The following DNAH6 variants were observed in gnomAD, a reference collection of about 807,000 sequenced individuals.
The protein encoded by DNAH6 is axonemal beta dynein heavy chain 6.
A neutral mutation model predicts 491.4 loss-of-function variants in DNAH6; 340 were observed. The ratio of observed to expected loss-of-function variants is 0.69; its 90% CI spans 0.63 to 0.76. The LOEUF is 0.76. Among genes scored for constraint, DNAH6 ranks in the 30% least tolerant of loss-of-function variants. The probability of loss-of-function intolerance (pLI) is 0.00; values close to 1 mark genes in which losing one functional copy is unlikely to be tolerated. For synonymous variants in DNAH6, 1,603 were observed against 1,686.1 expected (o/e 0.95, Z 1.21); for missense variants, 4,443 against 4,972.2 (o/e 0.89, Z 3.20).
the DNAH6 span, among the ~76,000 whole-genome samples, chr2:84,478,530 G>T: frequency 4.6e-5 from 7 of 152,166 alleles, no homozygotes; most frequent in Non-Finnish European, 8.8e-5. Context: ...TTATAGGAAT[G>T]TCAAGAACTT....
chr2:84,636,968 A>G (rs1688941856), intron 30 of DNAH6, among the ~76,000 whole-genome samples: 1 of 152,152 alleles, frequency 6.6e-6, no homozygotes, highest in African/African-American at 2.4e-5. Context: ...GGACTTGGCT[A>G]GGAAGGAAGA....
At chr2:84,658,956 A>C (rs991660754) in intron 36 of DNAH6, 70 bp from the exon 37 acceptor site, 1 of 970,900 alleles carries the variant, frequency 1.0e-6, no homozygotes, top group Non-Finnish European at 1.5e-6. Flanking sequence ...ATATCTTTAC[A>C]CTTTGCAGCT....
upstream of DNAH6, among the ~76,000 whole-genome samples, chr2:84,512,055 G>C (rs917947058): frequency 3.3e-5 from 5 of 152,174 alleles, no homozygotes; most frequent in African/African-American, 1.2e-4. Context: ...CCCTTGAAAA[G>C]AAAGTGTTTT....
intron 22 of DNAH6, among the ~76,000 whole-genome samples, chr2:84,615,365 G>C (rs918357008): frequency 1.3e-5 from 2 of 151,952 alleles, no homozygotes; most frequent in African/African-American, 4.8e-5. Flanking sequence ...TTTATTTCCA[G>C]GTTCTCTATT....
In DNAH6 at chr2:84,583,995, T is replaced by G. The variant is rs1311924744; in HGVS notation, c.2230-4T>G. 14 of 1,611,904 alleles carry G rather than the reference T, an allele frequency of 8.7e-6. No homozygotes were observed. Among genetic ancestry groups the G allele is most frequent in the Non-Finnish European group, 9.3e-6 (11 of 1,178,716 alleles). ...TTTAATGAGCAAACTATGTTTCCAT[T>G]TAGATTGAAAGCCTTGAAGATGAGG... On this transcript the variant is annotated splice_region_variant and splice_polypyrimidine_tract_variant and intron_variant, in intron 14 of 76. Coordinates refer to ENST00000389394, the MANE Select transcript of DNAH6 (RefSeq NM_001370.2).
chr2:84,781,681 A>C (rs200334410), intron 65 of DNAH6, 28 bp downstream of exon 65: 1 of 1,515,848 alleles, frequency 6.6e-7, no homozygotes, highest in Admixed American at 2.2e-5. Flanking sequence ...CCCTTGCATA[A>C]TAATCACATT....
intron 36 of DNAH6, 123 bp downstream of exon 36, chr2:84,658,597 A>G: frequency 1.5e-6 from 1 of 653,364 alleles, no homozygotes; most frequent in South Asian, 2.6e-5. Context: ...TTTTCAGGGG[A>G]CTAATAGCTA....
intron 11 of DNAH6, among the ~76,000 whole-genome samples, chr2:84,566,495 A>G (rs1366958543): frequency 6.6e-6 from 1 of 152,062 alleles, no homozygotes; most frequent in African/African-American, 2.4e-5. Flanking sequence ...ATGACTCAAC[A>G]TAATAAAGAT....
intron 18 of DNAH6, among the ~76,000 whole-genome samples, chr2:84,597,849 G>A (rs1054306568): frequency 6.6e-6 from 1 of 152,306 alleles, no homozygotes; most frequent in African/African-American, 2.4e-5. Context: ...GACTAGGTGA[G>A]GTGACTTATG....
chr2:84,786,689 G>A (rs1248633273), intron 67 of DNAH6, among the ~76,000 whole-genome samples: 1 of 152,120 alleles, frequency 6.6e-6, no homozygotes, highest in East Asian at 1.9e-4. Context: ...AAAGGAAGTT[G>A]GGGGAGGATT....
intron 55 of DNAH6, 117 bp downstream of exon 55, chr2:84,709,663 A>G: frequency 8.8e-7 from 1 of 1,130,008 alleles, no homozygotes; most frequent in South Asian, 1.5e-5. Flanking sequence ...ACATACATGG[A>G]GATTTAGACC....
chr2:84,514,867 T>TCTCACA (rs71390175), upstream of DNAH6, among the ~76,000 whole-genome samples: 9 of 139,006 alleles, frequency 6.5e-5, no homozygotes, highest in African/African-American at 2.2e-4. Flanking sequence ...TTCACCACAG[T>TCTCACA]CACACACACA....
chr2:84,635,210 G>A (rs1456358816), intron 30 of DNAH6, among the ~76,000 whole-genome samples: 2 of 152,024 alleles, frequency 1.3e-5, no homozygotes, highest in South Asian at 2.1e-4. Context: ...TTTGATTATC[G>A]CCCTCTGCAA....
rs765942186 is a variant in DNAH6 at position 84,577,348 on chromosome 2, G to A, written c.2016G>A (p.Leu672=). The A allele has an allele frequency of 1.5e-5, 24 of 1,612,160 alleles. 1 individual carries two copies. The South Asian group carries it at 1.5e-4, about 10-fold the overall frequency. ...GACCCACCAGAAATGTAGGATTGCT[G>A]CTCATTGATACTAGGCTTCTAAGAG... The part of the protein sequence containing the change: ...ALRPTRNVGL[L]LIDTRLLREK... The change falls in exon 13 of 77, where the codon CTG becomes CTA. Residue 672 remains leucine, a synonymous_variant. Coordinates refer to ENST00000389394, the MANE Select transcript of DNAH6 (RefSeq NM_001370.2).
intron 11 of DNAH6, among the ~76,000 whole-genome samples, chr2:84,570,996 G>A (rs567348633): frequency 5.3e-5 from 8 of 152,202 alleles, no homozygotes; most frequent in Admixed American, 2.6e-4. Context: ...GTGAGAGTCC[G>A]GGGCTTCATT....
At chr2:84,763,032 G>A in intron 64 of DNAH6, 87 bp downstream of exon 64, 1 of 966,408 alleles carries the variant, frequency 1.0e-6, no homozygotes, top group South Asian at 1.6e-5. Flanking sequence ...CCCTTGTAGA[G>A]CATAAATTCT....
At chr2:84,727,007 C>A (rs1181397960) in intron 60 of DNAH6, among the ~76,000 whole-genome samples, 2 of 152,160 alleles carry the variant, frequency 1.3e-5, no homozygotes, top group Admixed American at 1.3e-4. Context: ...AAATCAGTTT[C>A]TCTTAAATTT....
intron 29 of DNAH6, among the ~76,000 whole-genome samples, chr2:84,625,434 A>G (rs1687770140): frequency 6.6e-6 from 1 of 152,192 alleles, no homozygotes; most frequent in African/African-American, 2.4e-5. Flanking sequence ...TTGAACATGA[A>G]ATATGTGGGA....
At chr2:84,777,004 C>T (rs1676191295) in intron 64 of DNAH6, among the ~76,000 whole-genome samples, 2 of 152,096 alleles carry the variant, frequency 1.3e-5, no homozygotes, top group African/African-American at 4.8e-5. Context: ...ACAAAAAACC[C>T]AAACACCGCA....
Sources: allele counts gnomAD v4.1 joint callset (sites outside exome capture counted in the v4.1 genomes callset), GRCh38; gene constraint gnomAD v4.1.1; transcripts MANE v1.5; gene names NCBI Gene and HGNC (gene_info 2026-07-23, HGNC 2026-07-21).